Variants in TLK1 observed in about 807,000 individuals in gnomAD.
TLK1 encodes tousled like kinase 1.
A neutral mutation model predicts 105.3 loss-of-function variants in TLK1; 24 were observed. The observed-to-expected ratio is 0.23, with a 90% CI of 0.17 to 0.32. The LOEUF (loss-of-function observed/expected upper bound fraction) is 0.32. Ranked by LOEUF, TLK1 falls within the 10% of genes least tolerant of loss-of-function variation. The probability of loss-of-function intolerance (pLI) is 1.00; values close to 1 mark genes in which losing one functional copy is unlikely to be tolerated. For missense variants in TLK1, 558 were observed against 910.5 expected (o/e 0.61, Z 4.98); for synonymous variants, 321 against 310.4 (o/e 1.03, Z -0.36).
upstream of TLK1, among the ~76,000 whole-genome samples, chr2:171,163,744 CTT>C (rs879896490): frequency 2.7e-5 from 4 of 146,236 alleles, no homozygotes; most frequent in African/African-American, 5.0e-5. Context: ...ATTCATAGTA[CTT>C]TTTTTTTTTT....
At chr2:171,009,138 T>C (rs974136193) in intron 14 of TLK1, among the ~76,000 whole-genome samples, 3 of 152,150 alleles carry the variant, frequency 2.0e-5, no homozygotes, top group Non-Finnish European at 4.4e-5. Flanking sequence ...CCCTGACGTG[T>C]AATGCTTATC....
chr2:171,173,812 C>G (rs1692772668), intron 1 of TLK1, among the ~76,000 whole-genome samples: 1 of 152,126 alleles, frequency 6.6e-6, no homozygotes, highest in East Asian at 1.9e-4. Flanking sequence ...TGTCTTCATC[C>G]TATATTCACT....
intron 1 of TLK1, among the ~76,000 whole-genome samples, chr2:171,223,675 T>C (rs184467540): frequency 3.2e-4 from 48 of 152,222 alleles, no homozygotes; most frequent in Admixed American, 6.5e-4. Flanking sequence ...AGATGGGGTT[T>C]TGCCATGTTG....
At position 171,122,316 on chromosome 2, in the gene TLK1, C is replaced by G. The variant is rs549653615; in HGVS notation, c.140-4459G>C. ...TACTCAAGAGCCCCTGGTGTAATTC[C>G]TGGCACATAATAGGTGCTTAGCAAA... On this transcript the variant is annotated intron_variant, in intron 1 of 20. Transcript: ENST00000431350. Among the ~76,000 whole-genome samples the G allele has an allele frequency of 2.6e-5, 4 of 152,272 alleles. No individual in the cohort carries two copies. The South Asian group carries it at 8.3e-4, about 32-fold the overall frequency.
At chr2:170,996,586 C>T in intron 20 of TLK1, 67 bp downstream of exon 20, 2 of 1,343,024 alleles carry the variant, frequency 1.5e-6, no homozygotes, top group Non-Finnish European at 2.1e-6. Context: ...AAAGTACTTA[C>T]CTTGTTGTCA....
chr2:171,193,965 T>G (rs953923186), intron 1 of TLK1, among the ~76,000 whole-genome samples: 1 of 151,328 alleles, frequency 6.6e-6, no homozygotes, highest in Non-Finnish European at 1.5e-5. Context: ...GGTGATCACC[T>G]GCCTTGGCCT....
chr2:171,102,481 C>CT (rs1689732244), intron 2 of TLK1, among the ~76,000 whole-genome samples: 1 of 152,158 alleles, frequency 6.6e-6, no homozygotes, highest in South Asian at 2.1e-4. Context: ...ATTTACCCTT[C>CT]TTTCTATCTG....
chr2:171,098,392 C>T (rs147911143), intron 2 of TLK1, among the ~76,000 whole-genome samples: 18 of 152,078 alleles, frequency 1.2e-4, no homozygotes, highest in African/African-American at 3.6e-4. Flanking sequence ...TCAATCATAC[C>T]TCAATAAAGC....
upstream of TLK1, among the ~76,000 whole-genome samples, chr2:171,164,140 C>G (rs1212285287): frequency 6.6e-6 from 1 of 152,064 alleles, no homozygotes; most frequent in Non-Finnish European, 1.5e-5. Flanking sequence ...TGGATACTTC[C>G]TTAGAAGGAC....
rs569525595 is a variant in TLK1 at position 170,993,998 on chromosome 2, T to C, written c.2125-42A>G. 8 of 1,533,088 alleles carry C rather than the reference T, an allele frequency of 5.2e-6. No homozygotes were observed. In the East Asian group the frequency reaches 1.9e-4, roughly 37 times the overall value. The allele number at this position is 1,533,088 out of a possible 1,614,324, so 95.0% of individuals were successfully genotyped here. On this transcript the variant is annotated intron_variant, in intron 20 of 20. Coordinates refer to ENST00000431350, the MANE Select transcript of TLK1 (RefSeq NM_012290.5). ...AAATGTTAGCAATTAATGATCTTTT[T>C]CCCTTCTAAATATCAATCAACTGAA...
rs115780807 is a variant in TLK1 at position 171,214,338 on chromosome 2, G to T, written c.-6+16807C>A. ...TCAGCTTCTTAATCTCTACAATGGG[G>T]TCTAGATAAGGTCACTAACTGTCTG... On this transcript the variant is annotated intron_variant, in intron 1 of 20. Coordinates refer to the TLK1 transcript ENST00000521943. 6.7e-3 allele frequency among the ~76,000 whole-genome samples: 1,022 copies of T among 152,232 alleles called. 14 individuals carry two copies. The highest frequency in any genetic ancestry group is 0.011 in the Non-Finnish European group (744 of 68,018).
At chr2:171,156,166 T>C (rs1267224163) in intron 1 of TLK1, among the ~76,000 whole-genome samples, 2 of 152,216 alleles carry the variant, frequency 1.3e-5, no homozygotes, top group Admixed American at 1.3e-4. Context: ...TTTCCAACCA[T>C]ATATCTACAT....
chr2:171,229,266 G>A (rs1693950774), intron 1 of TLK1, among the ~76,000 whole-genome samples: 1 of 152,216 alleles, frequency 6.6e-6, no homozygotes, highest in Admixed American at 6.5e-5. Context: ...GCTCACAGCA[G>A]TATGAGTCTG....
rs1683865633 is a variant in TLK1 at position 170,993,234 on chromosome 2, T to TAA, written c.*544_*545dup. The stretch of plus-strand genomic sequence containing the variant: ...AAAGCCTAACTTTGTCCAAAGATTC[T>TAA]AACTCTCACATTCTATTACTATAAA... On this transcript the variant is annotated 3_prime_UTR_variant, in exon 21 of 21. Coordinates refer to ENST00000431350, the MANE Select transcript of TLK1 (RefSeq NM_012290.5). The TAA allele has an allele frequency of 6.6e-6, 1 of 152,650 alleles. No homozygotes were observed. The highest frequency in any genetic ancestry group is 2.4e-5 in the African/African-American group (1 of 41,450). 9.5% of individuals were successfully genotyped at this position (152,650 alleles called of 1,614,324 possible). A position where few individuals can be genotyped will look rare whatever the true frequency, so the allele number is the denominator to read the frequency against.
At position 171,046,199 on chromosome 2, in the gene TLK1, A is replaced by T; in HGVS notation, c.1144T>A (p.Phe382Ile). The change falls in exon 11 of 21, where the codon TTT becomes ATT. Residue 382 changes from phenylalanine (F) to isoleucine (I), a missense_variant. Phe to Ile is a conservative substitution (Grantham distance 21). Transcript: ENST00000431350. ...KAVNGAENDP[F>I]VRPNLPQLLT... ...AGTTGTGGTAAATTTGGTCTAACAA[A>T]GGGATCATTCTCTGCTCCATTGACT... 6.3e-7 allele frequency: 1 copy of T among 1,592,576 alleles called. No homozygotes were observed. The highest frequency in any genetic ancestry group is 8.5e-7 in the Non-Finnish European group (1 of 1,172,836).
intron 3 of TLK1, among the ~76,000 whole-genome samples, chr2:171,067,457 G>A (rs1324633610): frequency 8.6e-5 from 13 of 151,902 alleles, no homozygotes; most frequent in South Asian, 2.1e-4. Flanking sequence ...CACCACGCCC[G>A]GCCACACACT....
At chr2:171,080,572 A>AATAATAATG (rs1428002117) in intron 3 of TLK1, among the ~76,000 whole-genome samples, 1 of 147,580 alleles carries the variant, frequency 6.8e-6, no homozygotes, top group Non-Finnish European at 1.5e-5. Flanking sequence ...TAATAATAAT[A>AATAATAATG]ATGGTAATAG....
intron 2 of TLK1, among the ~76,000 whole-genome samples, chr2:171,095,654 T>C (rs1689422302): frequency 2.6e-5 from 4 of 152,168 alleles, no homozygotes; most frequent in Admixed American, 2.6e-4. Flanking sequence ...CTGAAACTTA[T>C]TCCTGAAATG....
At chr2:170,994,165 T>C (rs1040817379) in intron 20 of TLK1, among the ~76,000 whole-genome samples, 11 of 152,198 alleles carry the variant, frequency 7.2e-5, no homozygotes, top group Non-Finnish European at 2.9e-5. Context: ...TGGTTCACTT[T>C]ACAGTCTAAA....
Sources: allele counts gnomAD v4.1 joint callset (sites outside exome capture counted in the v4.1 genomes callset), GRCh38; gene constraint gnomAD v4.1.1; transcripts MANE v1.5; gene names NCBI Gene and HGNC (gene_info 2026-07-23, HGNC 2026-07-21).